The following SF3B3 variants were observed in gnomAD, a reference collection of about 807,000 sequenced individuals.
SF3B3 encodes the protein SAP 130.
SF3B3 carries 33 observed loss-of-function variants against 139.2 expected under a neutral mutation model. The observed-to-expected ratio is 0.24, with a 90% confidence interval of 0.18 to 0.32. The LOEUF is 0.32. Ranked by LOEUF, SF3B3 falls within the 10% of genes least tolerant of loss-of-function variation. The pLI is 1.00. For missense variants in SF3B3, 818 were observed against 1,509.4 expected, an observed-to-expected ratio of 0.54 and a Z score of 7.59; for synonymous variants, 596 against 563.6, an observed-to-expected ratio of 1.06 and a Z score of -0.81.
intron 20 of SF3B3, among the ~76,000 whole-genome samples, chr16:70,566,550 A>C (rs2050478888): frequency 6.6e-6 from 1 of 152,160 alleles, no homozygotes; most frequent in African/African-American, 2.4e-5. Context: ...TGACAGAGCG[A>C]GACTCTGTCT....
intron 10 of SF3B3, among the ~76,000 whole-genome samples, chr16:70,546,996 C>T (rs985294263): frequency 9.9e-5 from 15 of 151,528 alleles, no homozygotes; most frequent in Admixed American, 3.3e-4. Flanking sequence ...CCATTGCACT[C>T]GAGCCTGGGC....
In SF3B3 at chr16:70,530,754, A is replaced by G. The variant is rs758542724; in HGVS notation, c.407A>G (p.Glu136Gly). 6.2e-7 allele frequency: 1 copy of G among 1,611,202 alleles called. No individual in the cohort carries two copies. Among genetic ancestry groups the G allele is most frequent in the South Asian group, 1.1e-5 (1 of 90,414 alleles). ...TCTCCTTCAACTACAGGTGCCATTG[A>G]GAAACAGAAATTGGTGTATATTTTG... ...KGRAVMISAIEKQKLVYILNR... is the reference protein window; with the variant it reads ...KGRAVMISAIGKQKLVYILNR... The change falls in exon 4 of 26, where the codon GAG (glutamate) becomes GGG (glycine). Residue 136 changes from glutamate (E) to glycine (G), a missense_variant. By Grantham distance (98) the Glu-to-Gly change is moderately conservative. This residue lies in a region of SF3B3 where 144 missense variants were observed against 259.2 expected (regional missense o/e 0.56). Coordinates refer to ENST00000302516, the MANE Select transcript of SF3B3 (RefSeq NM_012426.5).
At chr16:70,567,660 C>T in intron 21 of SF3B3, 124 bp downstream of exon 21, 1 of 1,172,420 alleles carries the variant, frequency 8.5e-7, no homozygotes, top group Non-Finnish European at 1.2e-6. Flanking sequence ...TACCCCAATT[C>T]CAGCTTCAGA....
intron 16 of SF3B3, among the ~76,000 whole-genome samples, chr16:70,561,183 G>C (rs1271075115): frequency 1.3e-5 from 2 of 152,182 alleles, no homozygotes; most frequent in Non-Finnish European, 1.5e-5. Flanking sequence ...ACCACGCCCA[G>C]CTAATTTTTG....
intron 9 of SF3B3, among the ~76,000 whole-genome samples, chr16:70,543,096 G>T (rs1257863823): frequency 6.6e-6 from 1 of 151,320 alleles, no homozygotes; most frequent in African/African-American, 2.4e-5. Flanking sequence ...AATAATGTGT[G>T]TAAATAGTTT....
chr16:70,540,923 C>A (rs1227057802), intron 8 of SF3B3, among the ~76,000 whole-genome samples: 1 of 152,132 alleles, frequency 6.6e-6, no homozygotes, highest in Non-Finnish European at 1.5e-5. Context: ...GTGCTAATAC[C>A]TATTTGATTC....
chr16:70,531,133 G>A (rs975095532), intron 4 of SF3B3, among the ~76,000 whole-genome samples: 5 of 151,982 alleles, frequency 3.3e-5, no homozygotes, highest in African/African-American at 1.2e-4. Context: ...GCCGGGCATC[G>A]TGGCGGGCGC....
chr16:70,539,359 C>G (rs1306340960), intron 8 of SF3B3, 152 bp downstream of exon 8: 1 of 624,054 alleles, frequency 1.6e-6, no homozygotes, highest in Non-Finnish European at 2.9e-6. Flanking sequence ...ACCAGCCTGG[C>G]CAACATGGTG....
chr16:70,524,665 C>G (rs766432885), intron 1 of SF3B3: 3 of 151,934 alleles, frequency 2.0e-5, no homozygotes, highest in African/African-American at 7.3e-5. Flanking sequence ...ATTACGGGCG[C>G]GTGCCACCAC....
At chr16:70,541,890 A>T in intron 9 of SF3B3, 56 bp downstream of exon 9, 2 of 1,445,226 alleles carry the variant, frequency 1.4e-6, no homozygotes, top group Non-Finnish European at 1.9e-6. Context: ...ACTGAGGTCT[A>T]GTCTAAGAAA....
chr16:70,536,510 G>A (rs1437875547), intron 6 of SF3B3, among the ~76,000 whole-genome samples: 11 of 150,614 alleles, frequency 7.3e-5, no homozygotes, highest in Non-Finnish European at 1.5e-4. Flanking sequence ...GACTACAGGC[G>A]CCCACCACCA....
At chr16:70,571,526 C>A in intron 25 of SF3B3, 147 bp from the exon 26 acceptor site, 1 of 836,360 alleles carries the variant, frequency 1.2e-6, no homozygotes, top group Non-Finnish European at 1.8e-6. Context: ...GATTATCCCA[C>A]TGCACTGCAA....
chr16:70,577,596 T>G lies in SF3B3; in HGVS notation c.*5783T>G, dbSNP rs1341988434. ...CAGGAATCCAGTTTTGTCGATCCAA[T>G]TGAGAAAACATTTCATGAACAACTA... On this transcript the variant is annotated 3_prime_UTR_variant, in exon 26 of 26. Transcript: ENST00000302516. The G allele has an allele frequency of 6.6e-6, 1 of 152,244 alleles. No individual in the cohort carries two copies. The highest frequency in any genetic ancestry group is 1.5e-5 in the Non-Finnish European group (1 of 68,034). 9.4% of individuals were successfully genotyped at this position (152,244 alleles called of 1,614,324 possible).
chr16:70,557,785 T>A (rs776650758), intron 15 of SF3B3, among the ~76,000 whole-genome samples: 1 of 152,206 alleles, frequency 6.6e-6, no homozygotes, highest in Non-Finnish European at 1.5e-5. Flanking sequence ...ATCTTTTCCC[T>A]GGACTATTTT....
In SF3B3 at chr16:70,556,915, T is replaced by C. The variant is rs761792819; in HGVS notation, c.1896T>C (p.Ala632=). The change falls in exon 15 of 26, where the codon GCT becomes GCC. Residue 632 remains alanine (A), a synonymous_variant. Coordinates refer to ENST00000302516, the MANE Select transcript of SF3B3 (RefSeq NM_012426.5). ...SDCLQPLSMQ[A]LPAQPESLCI... The stretch of plus-strand genomic sequence containing the variant: ...GTTTGCAACCTCTAAGCATGCAGGC[T>C]CTCCCAGCCCAGCCTGAGTCCTTGT... The C allele has an allele frequency of 1.1e-5, 18 of 1,614,090 alleles. No homozygotes were observed. In the South Asian group the frequency reaches 2.0e-4, roughly 18 times the overall value.
chr16:70,545,636 C>A (rs2050261097), intron 10 of SF3B3, among the ~76,000 whole-genome samples: 3 of 152,152 alleles, frequency 2.0e-5, no homozygotes, highest in Non-Finnish European at 4.4e-5. Flanking sequence ...TCTCAAGAGG[C>A]CTGCTACCTG....
At chr16:70,563,772 G>C in intron 17 of SF3B3, 104 bp from the exon 18 acceptor site, 2 of 1,078,120 alleles carry the variant, frequency 1.9e-6, no homozygotes, top group Non-Finnish European at 2.8e-6. Flanking sequence ...GCCAACGTTA[G>C]AGCTCCAGGG....
At chr16:70,571,538 C>T in intron 25 of SF3B3, 135 bp from the exon 26 acceptor site, 2 of 944,052 alleles carry the variant, frequency 2.1e-6, no homozygotes, top group Non-Finnish European at 3.1e-6. Flanking sequence ...GCACTGCAAC[C>T]CGGATGATAG....
In SF3B3 at chr16:70,554,597, G is replaced by T. The variant is rs201423549; in HGVS notation, c.1554G>T (p.Gln518His). 1.2e-6 allele frequency: 2 copies of T among 1,614,120 alleles called. No individual in the cohort carries two copies. The highest frequency in any genetic ancestry group is 1.7e-6 in the Non-Finnish European group (2 of 1,180,004). ...CSLLGDDALV[Q>H]VYPDGIRHIR... is the part of the protein sequence containing the mutation. The stretch of plus-strand genomic sequence containing the variant: ...TATTAGGAGATGATGCCTTGGTGCA[G>T]GTGAGGGTTCTCAGAGCTTACCTAC... Residue 518 changes from glutamine (Q) to histidine (H), a missense_variant and splice_region_variant, in exon 12 of 26, where the codon CAG becomes CAT. Gln to His is a conservative substitution (Grantham distance 24). Transcript: ENST00000302516.
Sources: gnomAD v4.1 joint callset for allele counts (sites outside exome capture counted in the v4.1 genomes callset) on GRCh38, gnomAD v4.1.1 for gene constraint, gnomAD v4.1.1 regional missense constraint, MANE v1.5 for transcripts, NCBI Gene and HGNC (gene_info 2026-07-23, HGNC 2026-07-21) for gene names.